Variants in MTMR7 observed in about 807,000 individuals in gnomAD.
MTMR7 encodes myotubularin related protein 7, also known as phosphatidylinositol-3-phosphate phosphatase MTMR7.
In MTMR7, 76 loss-of-function variants were observed where a neutral mutation model predicts 81.2. The observed-to-expected ratio is 0.94, with a 90% CI of 0.78 to 1.13. The LOEUF (loss-of-function observed/expected upper bound fraction) is 1.13, where lower values mean the gene tolerates loss of function less well. MTMR7 is among the 50% of genes most tolerant of loss of function. The pLI is 0.00. For synonymous variants in MTMR7, 372 were observed against 289.8 expected, an observed-to-expected ratio of 1.28 and a Z score of -2.88; for missense variants, 1,044 against 820.0, an observed-to-expected ratio of 1.27 and a Z score of -3.34.
chr8:17,309,881 GT>G (rs1392905459), intron 9 of MTMR7, among the ~76,000 whole-genome samples: 1 of 152,138 alleles, frequency 6.6e-6, no homozygotes, highest in Non-Finnish European at 1.5e-5. Context: ...GGTGTTTGGG[GT>G]ATATTCAAAG....
intron 10 of MTMR7, among the ~76,000 whole-genome samples, chr8:17,306,926 A>G (rs1586145016): frequency 1.3e-5 from 1 of 78,200 alleles, no homozygotes; most frequent in Non-Finnish European, 2.4e-5. Flanking sequence ...ACCTAAAACT[A>G]TAAAAAACCC....
At chr8:17,336,777 G>T (rs1309069760) in intron 6 of MTMR7, among the ~76,000 whole-genome samples, 1 of 152,182 alleles carries the variant, frequency 6.6e-6, no homozygotes, top group Non-Finnish European at 1.5e-5. Context: ...CTGCGTCAGA[G>T]GAGCTGCTGG....
At chr8:17,351,665 G>A (rs1454725966) in intron 4 of MTMR7, among the ~76,000 whole-genome samples, 3 of 152,208 alleles carry the variant, frequency 2.0e-5, no homozygotes, top group African/African-American at 7.2e-5. Context: ...CAGTTATGAG[G>A]ATTTCTGCCT....
chr8:17,308,494 TTG>T (rs1340663468), intron 10 of MTMR7, among the ~76,000 whole-genome samples: 1 of 152,214 alleles, frequency 6.6e-6, no homozygotes, highest in African/African-American at 2.4e-5. Flanking sequence ...AAAAATATAC[TTG>T]AGCAGTTGCA....
At chr8:17,333,778 G>A (rs997800453) in intron 6 of MTMR7, among the ~76,000 whole-genome samples, 14 of 152,122 alleles carry the variant, frequency 9.2e-5, no homozygotes, top group African/African-American at 2.9e-4. Context: ...GAGCCTGGGA[G>A]GTCAACGCTG....
chr8:17,353,191 A>G (rs1197510804), intron 4 of MTMR7, among the ~76,000 whole-genome samples: 3 of 152,214 alleles, frequency 2.0e-5, no homozygotes, highest in African/African-American at 7.2e-5. Flanking sequence ...CCTGTCACAA[A>G]AAGAAAATAC....
At position 17,366,616 on chromosome 8, in the gene MTMR7, G is replaced by A. The variant is rs182894385; in HGVS notation, c.310+4421C>T. Among the ~76,000 whole-genome samples the A allele has an allele frequency of 1.5e-3, 230 of 152,258 alleles. 1 individual carries two copies. Among genetic ancestry groups the A allele is most frequent in the Admixed American group, 4.1e-3 (62 of 15,290 alleles). On this transcript the variant is annotated intron_variant, in intron 3 of 13. Coordinates refer to ENST00000180173, the MANE Select transcript of MTMR7 (RefSeq NM_004686.5). Reference sequence around the variant, plus strand: ...ATAACTGTAGTTGAGGCCGGGCGCGGTGGCTCACGCCTGTAATCCCAGCAC... The same window carrying A: ...ATAACTGTAGTTGAGGCCGGGCGCGATGGCTCACGCCTGTAATCCCAGCAC...
chr8:17,319,224 C>T (rs1199869476), intron 7 of MTMR7, among the ~76,000 whole-genome samples: 1 of 152,216 alleles, frequency 6.6e-6, no homozygotes, highest in African/African-American at 2.4e-5. Flanking sequence ...GGGCTAGTTA[C>T]TGAGCCTCGC....
At chr8:17,391,855 G>A (rs887493899) in intron 1 of MTMR7, among the ~76,000 whole-genome samples, 2 of 152,292 alleles carry the variant, frequency 1.3e-5, no homozygotes, top group Non-Finnish European at 2.9e-5. Flanking sequence ...ACATTAAGTG[G>A]GGGTTATTTT....
intron 1 of MTMR7, among the ~76,000 whole-genome samples, chr8:17,379,642 C>G (rs151202725): frequency 1.3e-5 from 2 of 152,226 alleles, no homozygotes; most frequent in African/African-American, 4.8e-5. Flanking sequence ...GAAACATGTA[C>G]TTATTTACTT....
chr8:17,363,113 G>A (rs553132273), intron 3 of MTMR7, among the ~76,000 whole-genome samples: 2 of 152,338 alleles, frequency 1.3e-5, no homozygotes, highest in Non-Finnish European at 2.9e-5. Context: ...CAGAGCAGAC[G>A]CGTTCCGTAA....
chr8:17,352,234 T>C (rs192451884), intron 4 of MTMR7, among the ~76,000 whole-genome samples: 1 of 152,286 alleles, frequency 6.6e-6, no homozygotes, highest in East Asian at 1.9e-4. Context: ...AGTGTGGTAC[T>C]GGAATAAAGA....
chr8:17,319,839 C>T (rs76939432), intron 7 of MTMR7, among the ~76,000 whole-genome samples: 30 of 152,222 alleles, frequency 2.0e-4, no homozygotes, highest in Non-Finnish European at 3.7e-4. Context: ...CAGCAGGAAC[C>T]AATCTTGGTT....
chr8:17,369,347 C>T (rs4921763), intron 3 of MTMR7, among the ~76,000 whole-genome samples: 23,053 of 152,146 alleles, frequency 0.15, 2,035 homozygotes, highest in East Asian at 0.39. Flanking sequence ...AAAGTAAAAA[C>T]TACCAGATTT....
chr8:17,326,447 A>G (rs998427059), intron 7 of MTMR7: 1 of 152,222 alleles, frequency 6.6e-6, no homozygotes, highest in Non-Finnish European at 1.5e-5. Flanking sequence ...TGCAGTTCAT[A>G]TAATGATCCT....
chr8:17,366,939 T>C (rs572843788), intron 3 of MTMR7, among the ~76,000 whole-genome samples: 2 of 145,706 alleles, frequency 1.4e-5, no homozygotes, highest in African/African-American at 2.7e-5. Flanking sequence ...GAGAAGATAA[T>C]ACAGCTATTA....
intron 1 of MTMR7, among the ~76,000 whole-genome samples, chr8:17,405,853 C>A (rs867480638): frequency 2.9e-5 from 2 of 69,200 alleles, no homozygotes; most frequent in South Asian, 4.0e-4. Context: ...CACACACACA[C>A]ACACACACAC....
chr8:17,303,114 A>G (rs576316602), intron 12 of MTMR7, among the ~76,000 whole-genome samples: 3 of 152,204 alleles, frequency 2.0e-5, no homozygotes, highest in East Asian at 3.9e-4. Flanking sequence ...ATTTATGTAG[A>G]TAAGTAAGTA....
intron 5 of MTMR7, among the ~76,000 whole-genome samples, chr8:17,344,478 G>A (rs1351121415): frequency 1.3e-5 from 2 of 152,154 alleles, no homozygotes; most frequent in African/African-American, 4.8e-5. Flanking sequence ...AGGAGTGGTG[G>A]TGCACGCCTG....
Sources: gnomAD v4.1 joint callset for allele counts (sites outside exome capture counted in the v4.1 genomes callset) on GRCh38, gnomAD v4.1.1 for gene constraint, MANE v1.5 for transcripts, NCBI Gene and HGNC (gene_info 2026-07-23, HGNC 2026-07-21) for gene names.